Variants in FGGY observed in about 807,000 individuals in gnomAD.
The protein encoded by FGGY is FGGY carbohydrate kinase domain containing, also known as FGGY carbohydrate kinase domain-containing protein.
A neutral mutation model predicts 71.3 loss-of-function variants in FGGY; 72 were observed. The ratio of observed to expected loss-of-function variants is 1.01; its 90% confidence interval spans 0.84 to 1.23. The LOEUF (loss-of-function observed/expected upper bound fraction) is 1.23. FGGY is among the 50% of genes most tolerant of loss of function. The pLI is 0.00. For synonymous variants in FGGY, 251 were observed against 250.3 expected, an observed-to-expected ratio of 1.00 and a Z score of -0.02; for missense variants, 668 against 682.3, an observed-to-expected ratio of 0.98 and a Z score of 0.23.
intron 8 of FGGY, among the ~76,000 whole-genome samples, chr1:59,602,348 AAGAACCT>A (rs1474326794): frequency 6.6e-6 from 1 of 152,214 alleles, no homozygotes; most frequent in Non-Finnish European, 1.5e-5. Context: ...AATATATGTG[AAGAACCT>A]AGAAGAGTCT....
At chr1:59,553,653 G>T (rs76274856) in intron 7 of FGGY, among the ~76,000 whole-genome samples, 1 of 152,266 alleles carries the variant, frequency 6.6e-6, no homozygotes, top group East Asian at 1.9e-4. Context: ...GAGATGTGAT[G>T]TGTTAAACCA....
intron 9 of FGGY, among the ~76,000 whole-genome samples, chr1:59,616,144 C>G (rs1299138688): frequency 6.6e-6 from 1 of 152,016 alleles, no homozygotes; most frequent in African/African-American, 2.4e-5. Context: ...GGGTATATAC[C>G]CAAAGGATTA....
At chr1:59,761,674 A>C (rs565052012) in intron 15 of FGGY, among the ~76,000 whole-genome samples, 27 of 152,316 alleles carry the variant, frequency 1.8e-4, no homozygotes, top group African/African-American at 6.3e-4. Flanking sequence ...GTCTAACCCA[A>C]AGAGTCAGCC....
intron 8 of FGGY, among the ~76,000 whole-genome samples, chr1:59,562,761 G>T (rs77502520): frequency 0.026 from 4,031 of 152,214 alleles, 184 homozygotes; most frequent in African/African-American, 0.093. Flanking sequence ...CACAACAAGG[G>T]CCAGGAAAGT....
At chr1:59,377,812 G>A (rs998163860) in intron 4 of FGGY, among the ~76,000 whole-genome samples, 3 of 152,108 alleles carry the variant, frequency 2.0e-5, no homozygotes, top group Admixed American at 6.6e-5. Context: ...AGGAATGAAT[G>A]TTTTAGGCAG....
intron 8 of FGGY, among the ~76,000 whole-genome samples, chr1:59,568,685 A>G (rs1454400754): frequency 6.6e-6 from 1 of 152,062 alleles, no homozygotes; most frequent in Non-Finnish European, 1.5e-5. Context: ...CCCTTCCTCC[A>G]CCACGTTTAA....
At chr1:59,350,064 G>A (rs2052935787) in intron 4 of FGGY, among the ~76,000 whole-genome samples, 1 of 152,170 alleles carries the variant, frequency 6.6e-6, no homozygotes, top group African/African-American at 2.4e-5. Flanking sequence ...GGGAGACACA[G>A]GAAAGTTTGA....
chr1:59,547,307 G>A (rs1428460579), intron 7 of FGGY, among the ~76,000 whole-genome samples: 1 of 152,072 alleles, frequency 6.6e-6, no homozygotes, highest in African/African-American at 2.4e-5. Context: ...AACCCTTTGG[G>A]TTTGCTTTAG....
intron 5 of FGGY, among the ~76,000 whole-genome samples, chr1:59,448,081 G>C (rs1052599154): frequency 2.0e-5 from 3 of 151,830 alleles, no homozygotes; most frequent in Non-Finnish European, 4.4e-5. Context: ...TTTGCTTCTG[G>C]GTTTTTCCTG....
intron 6 of FGGY, among the ~76,000 whole-genome samples, chr1:59,498,695 T>C (rs2094125567): frequency 6.6e-6 from 1 of 152,196 alleles, no homozygotes; most frequent in Non-Finnish European, 1.5e-5. Flanking sequence ...TGAGCATTTT[T>C]CCCAATATGT....
intron 7 of FGGY, among the ~76,000 whole-genome samples, chr1:59,514,861 C>T (rs947432645): frequency 2.0e-4 from 30 of 152,152 alleles, no homozygotes; most frequent in African/African-American, 6.5e-4. Context: ...TTCCTTGTCT[C>T]GGGTATGTCT....
chr1:59,615,505 T>C (rs1369974759), intron 9 of FGGY, among the ~76,000 whole-genome samples: 3 of 152,146 alleles, frequency 2.0e-5, no homozygotes, highest in East Asian at 3.8e-4. Flanking sequence ...TCAAGATGGA[T>C]TAAAGACTTA....
chr1:59,729,231 A>T (rs1416200203), intron 14 of FGGY, among the ~76,000 whole-genome samples: 4 of 151,618 alleles, frequency 2.6e-5, no homozygotes, highest in African/African-American at 9.7e-5. Flanking sequence ...TTTCTTTTAG[A>T]TACTTTTTTA....
chr1:59,758,712 A>C (rs1370520720), intron 15 of FGGY, among the ~76,000 whole-genome samples: 1 of 152,226 alleles, frequency 6.6e-6, no homozygotes, highest in East Asian at 1.9e-4. Flanking sequence ...TACAGTTATA[A>C]AAGTGGGAGC....
chr1:59,400,784 A>AT (rs139507879), intron 5 of FGGY, among the ~76,000 whole-genome samples: 25,612 of 151,550 alleles, frequency 0.17, 2,719 homozygotes, highest in East Asian at 0.36. Context: ...TTTATTTTTT[A>AT]TTTTTGAGAT....
At chr1:59,700,297 A>T (rs138260334) in intron 14 of FGGY, among the ~76,000 whole-genome samples, 52 of 152,332 alleles carry the variant, frequency 3.4e-4, no homozygotes, top group African/African-American at 1.3e-3. Context: ...CTCTCTGTAA[A>T]TAATGATGGT....
chr1:59,748,187 C>T (rs1218189579), intron 14 of FGGY, among the ~76,000 whole-genome samples: 5 of 152,186 alleles, frequency 3.3e-5, no homozygotes, highest in African/African-American at 1.2e-4. Flanking sequence ...AAGCCAACGA[C>T]TCCACTTTCA....
chr1:59,339,920 G>A (rs751862549), intron 2 of FGGY, 38 bp from the exon 3 acceptor site: 2 of 1,238,862 alleles, frequency 1.6e-6, no homozygotes, highest in South Asian at 2.6e-5. Context: ...TAAAGACCCT[G>A]GTGTTGTAAT....
At chr1:59,422,534 A>G (rs1455202867) in intron 5 of FGGY, among the ~76,000 whole-genome samples, 1 of 151,970 alleles carries the variant, frequency 6.6e-6, no homozygotes, top group Non-Finnish European at 1.5e-5. Flanking sequence ...TCTGTACTAA[A>G]AAACTGGAAA....
Sources: allele counts gnomAD v4.1 joint callset (sites outside exome capture counted in the v4.1 genomes callset), GRCh38; gene constraint gnomAD v4.1.1; transcripts MANE v1.5; gene names NCBI Gene and HGNC (gene_info 2026-07-23, HGNC 2026-07-21).